Variants in NFATC4 observed in about 807,000 individuals in gnomAD.
The protein encoded by NFATC4 is nuclear factor of activated T cells 4.
In NFATC4, 25 loss-of-function variants were observed where a neutral mutation model predicts 73.4. That is an observed-to-expected ratio of 0.34 (90% CI 0.25 to 0.48). The LOEUF is 0.48. NFATC4 is among the 20% of genes least tolerant of loss of function. The probability of loss-of-function intolerance (pLI) is 0.99; values close to 1 mark genes in which losing one functional copy is unlikely to be tolerated. For synonymous variants in NFATC4, 523 were observed against 510.3 expected (o/e 1.02, Z -0.34); for missense variants, 1,130 against 1,203.7 (o/e 0.94, Z 0.91).
Position 24,376,088 on chromosome 14 carries a change from C to T in NFATC4, c.2043C>T (p.Phe681=). 6.2e-7 allele frequency: 1 copy of T among 1,614,018 alleles called. No individual in the cohort carries two copies. Among genetic ancestry groups the T allele is most frequent in the Non-Finnish European group, 8.5e-7 (1 of 1,179,952 alleles). ...GRRKRSPTQS[F]RFLPVICKEE... ...GGAAACGCAGTCCTACCCAGAGTTT[C>T]AGGTTTCTGCCTGGTGCGCTCTGGG... The change falls in exon 8 of 10, where the codon TTC becomes TTT. Residue 681 remains phenylalanine, a synonymous_variant. Coordinates refer to ENST00000250373, the MANE Select transcript of NFATC4 (RefSeq NM_004554.5). The surrounding 1 kb of genome is among the most constrained non-coding windows in gnomAD (Gnocchi z 5.0).
At chr14:24,369,000 C>CT in intron 1 of NFATC4, 1 of 1,237,694 alleles carries the variant, frequency 8.1e-7, no homozygotes, top group African/African-American at 1.5e-5. Flanking sequence ...TCGGCTGCAC[C>CT]TCCGCCCCTA....
At position 24,370,020 on chromosome 14, in the gene NFATC4, C is replaced by G. The variant is rs939191955; in HGVS notation, c.622C>G (p.Arg208Gly). The G allele has an allele frequency of 1.2e-6, 2 of 1,612,058 alleles. No individual in the cohort carries two copies. The highest frequency in any genetic ancestry group is 1.7e-6 in the Non-Finnish European group (2 of 1,179,976). Reference sequence around the variant, plus strand: ...GTCTGAGCTAAATGAGGCGGCCTCCCGCTTTGGCCTGGGCTCCCCGCTGCC... The same window carrying G: ...GTCTGAGCTAAATGAGGCGGCCTCCGGCTTTGGCCTGGGCTCCCCGCTGCC... ...VESELNEAAS[R>G]FGLGSPLPSP... The change falls in exon 2 of 10, where the codon CGC becomes GGC. Residue 208 changes from arginine to glycine, a missense_variant. This residue lies in a region of NFATC4 where 585 missense variants were observed against 574.3 expected (regional missense o/e 1.02). Coordinates refer to ENST00000250373, the MANE Select transcript of NFATC4 (RefSeq NM_004554.5).
upstream of NFATC4, chr14:24,367,141 A>T (rs756115186): frequency 1.2e-6 from 2 of 1,612,666 alleles, no homozygotes; most frequent in African/African-American, 2.7e-5. Context: ...ACTCCCTCTC[A>T]CACAACCCAG....
At position 24,373,554 on chromosome 14, in the gene NFATC4, T is replaced by C. The variant is rs2042530822; in HGVS notation, c.1560-141T>C. On this transcript the variant is annotated intron_variant, in intron 4 of 9. Transcript: ENST00000250373. This position sits in a 1 kb window ranked among gnomAD's most constrained non-coding sequence, Gnocchi z 4.7. ...TTGGGGGTACCCCAGAGAGGCCATC[T>C]CTGGGTTAGAAAATAGCCTCCTAGG... is the stretch of plus-strand genomic sequence containing the variant. The C allele has an allele frequency of 7.1e-7, 1 of 1,409,678 alleles. No homozygotes were observed. Among genetic ancestry groups the C allele is most frequent in the African/African-American group, 1.4e-5 (1 of 69,580 alleles). The allele number at this position is 1,409,678 out of a possible 1,614,324, so 87.3% of individuals were successfully genotyped here.
In NFATC4 at chr14:24,374,477, G is replaced by A. The variant is rs1441359252; in HGVS notation, c.1873+11G>A. 1 of 1,603,916 alleles carries A rather than the reference G, an allele frequency of 6.2e-7. No individual in the cohort carries two copies. Among genetic ancestry groups the A allele is most frequent in the Admixed American group, 1.7e-5 (1 of 59,064 alleles). On this transcript the variant is annotated intron_variant, in intron 6 of 9. Coordinates refer to ENST00000250373, the MANE Select transcript of NFATC4 (RefSeq NM_004554.5). ...TTGAGAGGGGTCCTGGTGAGTACCT[G>A]CTGGGGAGGGGAGGGCAGGCAGGGA...
intron 3 of NFATC4, 39 bp downstream of exon 3, chr14:24,372,642 TC>T: frequency 6.2e-7 from 1 of 1,612,164 alleles, no homozygotes; most frequent in South Asian, 1.1e-5. Flanking sequence ...CTCTCTCCTC[TC>T]CCAGATAGGT....
Position 24,377,566 on chromosome 14 carries a change from A to T in NFATC4, c.2642-72A>T, listed in dbSNP as rs927199966. On this transcript the variant is annotated intron_variant, in intron 9 of 9. Transcript: ENST00000250373. This position sits in a 1 kb window ranked among gnomAD's most constrained non-coding sequence, Gnocchi z 4.2. ...CTAGATTAAGACCTGCCTGGAATGG[A>T]TTGGGGGTGGGTCTTTGGAAAAGGA... The T allele has an allele frequency of 2.5e-6, 4 of 1,610,430 alleles. No homozygotes were observed. The highest frequency in any genetic ancestry group is 3.4e-6 in the Non-Finnish European group (4 of 1,178,044).
intron 5 of NFATC4, 73 bp from the exon 6 acceptor site, chr14:24,374,253 A>C: frequency 6.5e-7 from 1 of 1,534,020 alleles, no homozygotes. Context: ...GTTTTCCCAA[A>C]GAGGGTGGGG....
At chr14:24,375,849 C>A in intron 7 of NFATC4, 126 bp from the exon 8 acceptor site, 1 of 1,543,412 alleles carries the variant, frequency 6.5e-7, no homozygotes, top group Non-Finnish European at 8.9e-7. Context: ...GCAGGTGCAT[C>A]TCTAGGGAAT....
chr14:24,377,741 C>G lies in NFATC4; in HGVS notation c.*36C>G, dbSNP rs377040748. ...CTGTCATCACCTGGCAACCCCAGCC[C>G]CAGCCTCAGCCCTGCCCCCTTTCCC... is the stretch of plus-strand genomic sequence containing the variant. On this transcript the variant is annotated 3_prime_UTR_variant, in exon 10 of 10. Coordinates refer to ENST00000250373, the MANE Select transcript of NFATC4 (RefSeq NM_004554.5). This position sits in a 1 kb window ranked among gnomAD's most constrained non-coding sequence, Gnocchi z 4.2. 5.0e-6 allele frequency: 8 copies of G among 1,614,022 alleles called. No individual in the cohort carries two copies. The highest frequency in any genetic ancestry group is 6.8e-6 in the Non-Finnish European group (8 of 1,179,998).
chr14:24,369,132 GA>G, intron 1 of NFATC4: 1 of 1,441,122 alleles, frequency 6.9e-7, no homozygotes, highest in Non-Finnish European at 9.1e-7. Flanking sequence ...GGGGGTTTGG[GA>G]ACCGCTGCTA....
chr14:24,370,654 G>C (rs779923071), intron 2 of NFATC4, 60 bp downstream of exon 2: 29 of 1,545,614 alleles, frequency 1.9e-5, no homozygotes, highest in Non-Finnish European at 2.5e-5. Context: ...GAGCAGGAGG[G>C]TCAAGGGATG....
Position 24,374,600 on chromosome 14 carries a change from C to T in NFATC4, c.1873+134C>T, listed in dbSNP as rs1347539812. On this transcript the variant is annotated intron_variant, in intron 6 of 9. Transcript: ENST00000250373. ...TTTGTAAAATGGGACAGACAGACTA[C>T]CCTTTCTATTATACTGTCTGCTTTC... 6.1e-6 allele frequency: 5 copies of T among 815,038 alleles called. No homozygotes were observed. In the East Asian group the frequency reaches 1.3e-4, roughly 22 times the overall value. The allele number at this position is 815,038 out of a possible 1,614,324, so 50.5% of individuals were successfully genotyped here.
chr14:24,377,562 A>G lies in NFATC4; in HGVS notation c.2642-76A>G. 6.2e-7 allele frequency: 1 copy of G among 1,608,870 alleles called. No individual in the cohort carries two copies. Among genetic ancestry groups the G allele is most frequent in the Non-Finnish European group, 8.5e-7 (1 of 1,176,852 alleles). On this transcript the variant is annotated intron_variant, in intron 9 of 9. Coordinates refer to ENST00000250373, the MANE Select transcript of NFATC4 (RefSeq NM_004554.5). The surrounding 1 kb of genome is among the most constrained non-coding windows in gnomAD (Gnocchi z 4.2). ...CCTCCTAGATTAAGACCTGCCTGGA[A>G]TGGATTGGGGGTGGGTCTTTGGAAA...
intron 6 of NFATC4, among the ~76,000 whole-genome samples, chr14:24,375,353 G>T (rs1243545356): frequency 2.0e-5 from 3 of 152,150 alleles, no homozygotes; most frequent in African/African-American, 7.2e-5. Context: ...CATTATCATG[G>T]GAAAGGATGT....
chr14:24,369,410 A>G (rs2042402629), intron 1 of NFATC4, 89 bp from the exon 2 acceptor site: 1 of 1,605,726 alleles, frequency 6.2e-7, no homozygotes, highest in African/African-American at 1.3e-5. Flanking sequence ...GCATAGAAGG[A>G]CTTGCGGCCT....
intron 7 of NFATC4, 87 bp from the exon 8 acceptor site, chr14:24,375,888 G>C: frequency 6.3e-7 from 1 of 1,586,164 alleles, no homozygotes; most frequent in Non-Finnish European, 8.6e-7. Context: ...AATGGAGAAG[G>C]CTAGGAGGTG....
chr14:24,373,755 G>A lies in NFATC4; in HGVS notation c.1620G>A (p.Glu540=), dbSNP rs142988462. 3 of 1,614,144 alleles carry A rather than the reference G, an allele frequency of 1.9e-6. No homozygotes were observed. The highest frequency in any genetic ancestry group is 2.7e-5 in the African/African-American group (2 of 75,068). ...RNSDIELRKG[E]TDIGRKNTRV... ...CAGACATTGAGCTTCGGAAGGGTGAGACGGACATCGGGCGCAAAAACACAC... is the reference window on the plus strand; with the variant it reads ...CAGACATTGAGCTTCGGAAGGGTGAAACGGACATCGGGCGCAAAAACACAC... Residue 540 remains glutamate (E), a synonymous_variant, in exon 5 of 10, where the codon GAG becomes GAA. Coordinates refer to ENST00000250373, the MANE Select transcript of NFATC4 (RefSeq NM_004554.5). This position sits in a 1 kb window ranked among gnomAD's most constrained non-coding sequence, Gnocchi z 4.7.
intron 2 of NFATC4, among the ~76,000 whole-genome samples, chr14:24,371,230 G>A (rs2139288881): frequency 6.6e-6 from 1 of 152,322 alleles, no homozygotes; most frequent in South Asian, 2.1e-4. Context: ...GCTCTGTCCA[G>A]AAAAGTTTCT....
Sources: gnomAD v4.1 joint callset for allele counts (sites outside exome capture counted in the v4.1 genomes callset) on GRCh38, gnomAD v4.1.1 for gene constraint, gnomAD v4.1.1 regional missense constraint, Gnocchi (gnomAD v3.1) non-coding constraint, MANE v1.5 for transcripts, NCBI Gene and HGNC (gene_info 2026-07-23, HGNC 2026-07-21) for gene names.